The following ST8SIA1 variants were observed in gnomAD, a reference collection of about 807,000 sequenced individuals.
ST8SIA1 encodes ST8 alpha-N-acetyl-neuraminide alpha-2,8-sialyltransferase 1.
In ST8SIA1, 16 loss-of-function variants were observed where a neutral mutation model predicts 35.9. That is an observed-to-expected ratio of 0.45 (90% CI 0.30 to 0.68). The LOEUF (loss-of-function observed/expected upper bound fraction) is 0.68, where lower values mean the gene tolerates loss of function less well. Ranked by LOEUF, ST8SIA1 falls within the 30% of genes least tolerant of loss-of-function variation. ST8SIA1 has a pLI of 0.09. For synonymous variants in ST8SIA1, 170 were observed against 169.6 expected, an observed-to-expected ratio of 1.00 and a Z score of -0.02; for missense variants, 383 against 453.6, an observed-to-expected ratio of 0.84 and a Z score of 1.41.
At chr12:22,265,065 C>T (rs943699480) in intron 2 of ST8SIA1, among the ~76,000 whole-genome samples, 1 of 152,194 alleles carries the variant, frequency 6.6e-6, no homozygotes, top group Non-Finnish European at 1.5e-5. Flanking sequence ...AGTTCATGTG[C>T]CCATGCAGCA....
chr12:22,211,836 C>T (rs531112733), intron 4 of ST8SIA1, among the ~76,000 whole-genome samples: 2 of 152,258 alleles, frequency 1.3e-5, no homozygotes, highest in African/African-American at 4.8e-5. Flanking sequence ...ATCAGCCTCC[C>T]GAGTAGCTGG....
At chr12:22,251,548 T>C (rs761093603) in intron 3 of ST8SIA1, among the ~76,000 whole-genome samples, 8 of 152,202 alleles carry the variant, frequency 5.3e-5, no homozygotes, top group Non-Finnish European at 7.3e-5. Context: ...CTTTCCTGTA[T>C]CTCTTCTCTC....
At chr12:22,252,186 G>A (rs1004586658) in intron 3 of ST8SIA1, among the ~76,000 whole-genome samples, 26 of 152,230 alleles carry the variant, frequency 1.7e-4, no homozygotes, top group Middle Eastern at 6.8e-3. Context: ...TTATATCCTA[G>A]TCCTAGAAGA....
At position 22,334,324 on chromosome 12, in the gene ST8SIA1, T is replaced by A. The variant is rs1003206357; in HGVS notation, c.-92A>T. The A allele has an allele frequency of 1.1e-6, 1 of 939,436 alleles. No individual in the cohort carries two copies. Among genetic ancestry groups the A allele is most frequent in the Non-Finnish European group, 1.6e-6 (1 of 621,360 alleles). 58.2% of individuals were successfully genotyped at this position (939,436 alleles called of 1,614,324 possible). ...AGGGTCCCCCACCGCCAGCCCCCCATGCACACACACCTTTGGTTCTCTTAC... is the reference window on the plus strand; with the variant it reads ...AGGGTCCCCCACCGCCAGCCCCCCAAGCACACACACCTTTGGTTCTCTTAC... On this transcript the variant is annotated 5_prime_UTR_variant, in exon 1 of 5. The change abolishes an upstream ATG in the 5' untranslated region. Transcript: ENST00000396037.
Position 22,197,768 on chromosome 12 carries a change from T to C in ST8SIA1, c.*3784A>G, listed in dbSNP as rs1033290712. The C allele has an allele frequency of 8.5e-5, 13 of 152,294 alleles. No homozygotes were observed. Among genetic ancestry groups the C allele is most frequent in the African/African-American group, 2.9e-4 (12 of 41,562 alleles). 9.4% of individuals were successfully genotyped at this position (152,294 alleles called of 1,614,324 possible). A position where few individuals can be genotyped will look rare whatever the true frequency, so the allele number is the denominator to read the frequency against. ...ATTTTTTTTAGCCAAGAGAAAGACA[T>C]GAGACATCACAAAGCCAAACACAGT... On this transcript the variant is annotated 3_prime_UTR_variant, in exon 5 of 5. Transcript: ENST00000396037.
intron 4 of ST8SIA1, among the ~76,000 whole-genome samples, chr12:22,210,444 A>G (rs912966232): frequency 1.4e-4 from 21 of 152,130 alleles, no homozygotes; most frequent in African/African-American, 4.6e-4. Context: ...TCTGTGACCT[A>G]TATGTGGGTT....
intron 2 of ST8SIA1, among the ~76,000 whole-genome samples, chr12:22,271,870 C>T (rs953491586): frequency 1.3e-5 from 2 of 152,170 alleles, no homozygotes; most frequent in Admixed American, 6.5e-5. Flanking sequence ...CATGGTATGA[C>T]ATAACCTAAA....
intron 2 of ST8SIA1, among the ~76,000 whole-genome samples, chr12:22,257,403 T>A (rs1012200816): frequency 2.4e-4 from 29 of 120,922 alleles, no homozygotes; most frequent in African/African-American, 8.8e-4. Context: ...TTTTTTTTTT[T>A]AGTAGAGATA....
At chr12:22,252,044 A>AG (rs1300028130) in intron 3 of ST8SIA1, among the ~76,000 whole-genome samples, 1 of 152,200 alleles carries the variant, frequency 6.6e-6, no homozygotes, top group Admixed American at 6.5e-5. Flanking sequence ...AATAAATTGA[A>AG]TTCAATGATA....
At chr12:22,212,050 T>C (rs911002762) in intron 4 of ST8SIA1, among the ~76,000 whole-genome samples, 2 of 152,208 alleles carry the variant, frequency 1.3e-5, no homozygotes, top group African/African-American at 4.8e-5. Context: ...GTGAGGATTA[T>C]GGCGTACTTT....
intron 4 of ST8SIA1, among the ~76,000 whole-genome samples, chr12:22,247,117 C>T (rs551552599): frequency 1.2e-3 from 170 of 139,306 alleles, no homozygotes; most frequent in Admixed American, 1.7e-3. Context: ...CGTCTCTTTC[C>T]CTCCCTCCCT....
At position 22,299,739 on chromosome 12, in the gene ST8SIA1, T is replaced by G. The variant is rs373277666; in HGVS notation, c.237-12446A>C. On this transcript the variant is annotated intron_variant, in intron 1 of 4. Coordinates refer to ENST00000396037, the MANE Select transcript of ST8SIA1 (RefSeq NM_003034.4). Reference sequence around the variant, plus strand: ...AACAAATTATAGGAGATTTTAATTTTTTTAACCCAAAGTTCAACTTTTATT... The same window carrying G: ...AACAAATTATAGGAGATTTTAATTTGTTTAACCCAAAGTTCAACTTTTATT... Among the ~76,000 whole-genome samples, 5 of 152,158 alleles carry G rather than the reference T, an allele frequency of 3.3e-5. 1 individual carries two copies. The East Asian group carries it at 7.7e-4, about 23-fold the overall frequency.
At chr12:22,204,201 C>T (rs1045943666) in intron 4 of ST8SIA1, among the ~76,000 whole-genome samples, 4 of 152,124 alleles carry the variant, frequency 2.6e-5, no homozygotes, top group African/African-American at 9.7e-5. Flanking sequence ...TCAACCTCTC[C>T]ATCTCAACTG....
chr12:22,255,699 C>A (rs1865721759), intron 2 of ST8SIA1, among the ~76,000 whole-genome samples: 1 of 150,104 alleles, frequency 6.7e-6, no homozygotes, highest in South Asian at 2.1e-4. Flanking sequence ...AAAAAAAATA[C>A]AAAGTAAACA....
chr12:22,307,860 T>A (rs932417227), intron 1 of ST8SIA1, among the ~76,000 whole-genome samples: 2 of 152,346 alleles, frequency 1.3e-5, no homozygotes, highest in East Asian at 3.9e-4. Context: ...GGTGGTATTA[T>A]CCTTTTCAAG....
chr12:22,246,161 T>G (rs977210263), intron 4 of ST8SIA1, among the ~76,000 whole-genome samples: 2 of 150,926 alleles, frequency 1.3e-5, no homozygotes, highest in African/African-American at 4.9e-5. Context: ...TTGTGACTGG[T>G]GGGGGTGGGG....
chr12:22,209,125 T>C (rs1689804590), intron 4 of ST8SIA1, among the ~76,000 whole-genome samples: 1 of 152,100 alleles, frequency 6.6e-6, no homozygotes, highest in Admixed American at 6.5e-5. Flanking sequence ...AAAATGAAAG[T>C]CTTCTACAAA....
intron 2 of ST8SIA1, among the ~76,000 whole-genome samples, chr12:22,269,024 G>C (rs1002051134): frequency 6.6e-6 from 1 of 152,134 alleles, no homozygotes; most frequent in African/African-American, 2.4e-5. Context: ...TTGAAGGCCA[G>C]ATTTATCTTA....
At chr12:22,241,042 C>T (rs1413321348) in intron 4 of ST8SIA1, among the ~76,000 whole-genome samples, 5 of 145,788 alleles carry the variant, frequency 3.4e-5, no homozygotes, top group African/African-American at 1.3e-4. Context: ...GCAATCATGG[C>T]TAACCTTAAC....
Sources: allele counts gnomAD v4.1 joint callset (sites outside exome capture counted in the v4.1 genomes callset), GRCh38; gene constraint gnomAD v4.1.1; transcripts MANE v1.5; gene names NCBI Gene and HGNC (gene_info 2026-07-23, HGNC 2026-07-21).